ACER3: variants seen among roughly 807,000 people sequenced by gnomAD.
ACER3 encodes the protein alkaline ceramidase 3, also known as alkCDase 3.
ACER3 carries 16 observed loss-of-function variants against 48.9 expected under a neutral mutation model. The observed-to-expected ratio is 0.33, with a 90% confidence interval of 0.22 to 0.50. The LOEUF (loss-of-function observed/expected upper bound fraction) is 0.50. Ranked by LOEUF, ACER3 falls within the 20% of genes least tolerant of loss-of-function variation. The probability of loss-of-function intolerance (pLI) is 0.98; values close to 1 mark genes in which losing one functional copy is unlikely to be tolerated. For synonymous variants in ACER3, 109 were observed against 107.8 expected (o/e 1.01, Z -0.07); for missense variants, 227 against 326.0 (o/e 0.70, Z 2.34).
intron 4 of ACER3, among the ~76,000 whole-genome samples, chr11:76,977,576 T>C (rs1272998732): frequency 6.6e-6 from 1 of 152,202 alleles, no homozygotes; most frequent in Non-Finnish European, 1.5e-5. Context: ...GCAAAAAAAT[T>C]ACTAGCTTAT....
chr11:76,878,241 G>T (rs1032518235), intron 1 of ACER3, among the ~76,000 whole-genome samples: 1 of 151,916 alleles, frequency 6.6e-6, no homozygotes, highest in Non-Finnish European at 1.5e-5. Flanking sequence ...TAACTATTAG[G>T]TTGGTGCAAA....
intron 2 of ACER3, among the ~76,000 whole-genome samples, chr11:76,932,364 A>G (rs1947028613): frequency 6.6e-6 from 1 of 152,192 alleles, no homozygotes; most frequent in Non-Finnish European, 1.5e-5. Flanking sequence ...GCTATAGTGA[A>G]TCATGTCAGA....
chr11:76,906,601 C>T (rs1457342455), intron 1 of ACER3, among the ~76,000 whole-genome samples: 1 of 152,180 alleles, frequency 6.6e-6, no homozygotes, highest in Non-Finnish European at 1.5e-5. Context: ...TGGCCAGCCT[C>T]ACATCAGTTA....
At chr11:76,957,113 G>A (rs1480329560) in intron 2 of ACER3, among the ~76,000 whole-genome samples, 2 of 152,086 alleles carry the variant, frequency 1.3e-5, no homozygotes, top group South Asian at 2.1e-4. Flanking sequence ...GGTACTCAAC[G>A]CATATGTCCA....
chr11:76,919,909 A>G (rs768843897), intron 1 of ACER3, among the ~76,000 whole-genome samples: 8 of 152,188 alleles, frequency 5.3e-5, no homozygotes, highest in Non-Finnish European at 7.3e-5. Context: ...TAGTTTTATA[A>G]TTGTGGTCGT....
At chr11:76,955,747 A>G (rs1371307239) in intron 2 of ACER3, among the ~76,000 whole-genome samples, 1 of 152,208 alleles carries the variant, frequency 6.6e-6, no homozygotes, top group East Asian at 1.9e-4. Context: ...TCAACATATG[A>G]ACTGGGGAGT....
chr11:76,976,416 GA>G, intron 4 of ACER3, 75 bp downstream of exon 4: 26 of 788,464 alleles, frequency 3.3e-5, no homozygotes, highest in Non-Finnish European at 4.8e-5. Context: ...TAATATAACT[GA>G]TACATTTATA....
chr11:76,900,476 A>G (rs1946051321), intron 1 of ACER3, among the ~76,000 whole-genome samples: 1 of 152,194 alleles, frequency 6.6e-6, no homozygotes, highest in Admixed American at 6.5e-5. Flanking sequence ...CAGTGCTAGT[A>G]TCATATAAGG....
chr11:76,866,371 TCTGTACATGAA>T (rs921746170), intron 1 of ACER3, among the ~76,000 whole-genome samples: 32 of 152,350 alleles, frequency 2.1e-4, no homozygotes, highest in Admixed American at 2.0e-3. Context: ...TGCTTTGCTT[TCTGTACATGAA>T]CTGAATAACT....
chr11:76,959,109 C>T (rs757783921), intron 3 of ACER3, 78 bp downstream of exon 3: 23 of 1,606,104 alleles, frequency 1.4e-5, no homozygotes, highest in Non-Finnish European at 2.0e-5. Flanking sequence ...GAGCACATAA[C>T]TATGGCTAAA....
chr11:76,959,150 A>T, intron 3 of ACER3, 119 bp downstream of exon 3: 3 of 1,555,448 alleles, frequency 1.9e-6, no homozygotes, highest in Non-Finnish European at 2.6e-6. Context: ...GGAGTTTTTT[A>T]CTTCAAGTCT....
chr11:77,016,825 T>C (rs543000987), intron 9 of ACER3, 46 bp downstream of exon 9: 43 of 1,033,546 alleles, frequency 4.2e-5, no homozygotes, highest in Non-Finnish European at 5.8e-5. Context: ...GTTTGTTGTT[T>C]TTTTTTTTCT....
chr11:76,982,240 C>T (rs181313264), intron 4 of ACER3, among the ~76,000 whole-genome samples: 1 of 134,646 alleles, frequency 7.4e-6, no homozygotes, highest in Admixed American at 7.9e-5. Context: ...TTTTTTGAGA[C>T]AGAGTCTCGC....
chr11:76,940,006 T>C (rs1947294558), intron 2 of ACER3, among the ~76,000 whole-genome samples: 1 of 152,220 alleles, frequency 6.6e-6, no homozygotes, highest in Admixed American at 6.5e-5. Flanking sequence ...TTGCTTATTA[T>C]AATATGATCA....
At chr11:76,956,819 G>A (rs900723405) in intron 2 of ACER3, among the ~76,000 whole-genome samples, 2 of 151,034 alleles carry the variant, frequency 1.3e-5, no homozygotes, top group African/African-American at 2.4e-5. Flanking sequence ...AAAAAGGCAC[G>A]AACCACCCCA....
At chr11:76,877,066 A>G (rs1194766244) in intron 1 of ACER3, among the ~76,000 whole-genome samples, 1 of 152,210 alleles carries the variant, frequency 6.6e-6, no homozygotes, top group Non-Finnish European at 1.5e-5. Flanking sequence ...ACTAAAGAAT[A>G]AAGATTAGTA....
chr11:76,887,779 T>C (rs1945707184), intron 1 of ACER3, among the ~76,000 whole-genome samples: 2 of 151,854 alleles, frequency 1.3e-5, no homozygotes, highest in Admixed American at 6.6e-5. Context: ...GAAGCTGTTT[T>C]GGAGTCTGTG....
At chr11:76,912,452 C>CT (rs1256635429) in intron 1 of ACER3, among the ~76,000 whole-genome samples, 2 of 152,070 alleles carry the variant, frequency 1.3e-5, no homozygotes, top group Non-Finnish European at 2.9e-5. Flanking sequence ...CATAATATTG[C>CT]TTTTTTCTGT....
intron 7 of ACER3, among the ~76,000 whole-genome samples, chr11:77,012,174 CT>C (rs1949279792): frequency 6.6e-6 from 1 of 152,110 alleles, no homozygotes; most frequent in Non-Finnish European, 1.5e-5. Flanking sequence ...AATCCCAGCA[CT>C]TTGGCAGGCC....
Sources: gnomAD v4.1 joint callset for allele counts (sites outside exome capture counted in the v4.1 genomes callset) on GRCh38, gnomAD v4.1.1 for gene constraint, MANE v1.5 for transcripts, NCBI Gene and HGNC (gene_info 2026-07-23, HGNC 2026-07-21) for gene names.